The following MDN1 variants were observed in gnomAD, a reference collection of about 807,000 sequenced individuals.
The protein encoded by MDN1 is midasin AAA ATPase 1.
MDN1 carries 266 observed loss-of-function variants against 669.2 expected under a neutral mutation model. The observed-to-expected ratio is 0.40, with a 90% CI of 0.36 to 0.44. The LOEUF (loss-of-function observed/expected upper bound fraction) is 0.44. MDN1 is among the 20% of genes least tolerant of loss of function. MDN1 has a pLI of 1.00. For synonymous variants in MDN1, 2,385 were observed against 2,457.1 expected (o/e 0.97, Z 0.87); for missense variants, 5,940 against 6,754.0 (o/e 0.88, Z 4.22).
chr6:89,747,194 A>T, intron 27 of MDN1, 135 bp downstream of exon 27: 1 of 989,004 alleles, frequency 1.0e-6, no homozygotes, highest in Non-Finnish European at 1.5e-6. Flanking sequence ...AGCTGTTAGA[A>T]CTGGAGGGAA....
intron 92 of MDN1, among the ~76,000 whole-genome samples, chr6:89,654,925 C>T (rs1004472778): frequency 1.7e-4 from 26 of 152,292 alleles, no homozygotes; most frequent in Non-Finnish European, 1.5e-4. Context: ...GAATAGGAAT[C>T]CCAGCATTGT....
At chr6:89,764,614 A>G (rs2128321407) in intron 15 of MDN1, among the ~76,000 whole-genome samples, 1 of 152,304 alleles carries the variant, frequency 6.6e-6, no homozygotes, top group Admixed American at 6.5e-5. Flanking sequence ...TAATTTGAGT[A>G]TCACAGTCAG....
At chr6:89,744,800 T>C (rs112638554) in intron 29 of MDN1, among the ~76,000 whole-genome samples, 85 of 150,242 alleles carry the variant, frequency 5.7e-4, no homozygotes, top group African/African-American at 1.9e-3. Flanking sequence ...GGAGGATCAC[T>C]TGAGTCCAGA....
In MDN1 at chr6:89,661,556, A is replaced by G. The variant is rs752950000; in HGVS notation, c.14588T>C (p.Val4863Ala). 3 of 1,614,166 alleles carry G rather than the reference A, an allele frequency of 1.9e-6. No homozygotes were observed. The highest frequency in any genetic ancestry group is 2.2e-5 in the South Asian group (2 of 91,080). ...IDERDYDENEVDPYHGNQEKV... is the reference protein window; with the variant it reads ...IDERDYDENEADPYHGNQEKV... Reference sequence around the variant, plus strand: ...TTCCTGATTGCCATGGTAAGGGTCCACCTCATTTTCATCATAGTCCCTCTT... The same window carrying G: ...TTCCTGATTGCCATGGTAAGGGTCCGCCTCATTTTCATCATAGTCCCTCTT... Residue 4863 changes from valine to alanine, a missense_variant, in exon 88 of 102, where the codon GTG becomes GCG. Physicochemically the swap from Val to Ala is moderately conservative, Grantham distance 64. Around this residue, in one of 5 missense-constraint regions of MDN1, gnomAD observed 2,280 missense variants for 2,576.3 expected, o/e 0.88. Coordinates refer to ENST00000369393, the MANE Select transcript of MDN1 (RefSeq NM_014611.3).
intron 1 of MDN1, among the ~76,000 whole-genome samples, chr6:89,811,499 C>T (rs564417938): frequency 5.3e-5 from 8 of 151,620 alleles, no homozygotes; most frequent in African/African-American, 1.5e-4. Context: ...TGCAGTGGTA[C>T]GATGTCGGCT....
At chr6:89,731,690 TG>T (rs1239099117) in intron 34 of MDN1, among the ~76,000 whole-genome samples, 2 of 152,034 alleles carry the variant, frequency 1.3e-5, no homozygotes, top group South Asian at 2.1e-4. Context: ...GACGGGTTGA[TG>T]GGTGCGGCAA....
At chr6:89,809,784 T>TAAATAAAATA (rs58439361) in intron 1 of MDN1, among the ~76,000 whole-genome samples, 22,406 of 112,324 alleles carry the variant, frequency 0.2, 2,653 homozygotes, top group South Asian at 0.32. Context: ...TCAAAATAAA[T>TAAATAAAATA]AAATAAAATA....
chr6:89,812,071 C>T (rs1288186062), intron 1 of MDN1, among the ~76,000 whole-genome samples: 4 of 151,768 alleles, frequency 2.6e-5, no homozygotes, highest in South Asian at 2.1e-4. Flanking sequence ...ATGCAACCTC[C>T]GCCTTCCGGG....
intron 67 of MDN1, 56 bp from the exon 68 acceptor site, chr6:89,687,494 C>T: frequency 6.7e-7 from 1 of 1,481,996 alleles, no homozygotes; most frequent in Non-Finnish European, 9.4e-7. Flanking sequence ...ATAATCACCT[C>T]CTTCCTCAAG....
intron 1 of MDN1, among the ~76,000 whole-genome samples, chr6:89,816,018 A>G (rs576189466): frequency 3.3e-4 from 50 of 152,350 alleles, no homozygotes; most frequent in African/African-American, 1.2e-3. Context: ...AAATTATTTA[A>G]GAAAACTGCT....
rs766450069 is a variant in MDN1, at chr6:89,670,170, A to ATTTTTTTTT, written c.13956+740_13956+748dup. 1.5e-3 allele frequency among the ~76,000 whole-genome samples: 35 copies of ATTTTTTTTT among 23,350 alleles called. 2 individuals are homozygous for ATTTTTTTTT. In the East Asian group the frequency reaches 0.027, roughly 18 times the overall value. 15.3% of individuals were successfully genotyped at this position (23,350 alleles called of 152,430 possible). ...TATATATATATATATATATATATATATTTTTTTTTTTTTTTTTTTTGAGAT... is the reference window on the plus strand; with the variant it reads ...TATATATATATATATATATATATATATTTTTTTTTTTTTTTTTTTTTTTTTTTTTGAGAT... On this transcript the variant is annotated intron_variant, in intron 83 of 101. Transcript: ENST00000369393.
intron 15 of MDN1, among the ~76,000 whole-genome samples, chr6:89,769,117 A>G (rs894077823): frequency 1.3e-5 from 2 of 152,190 alleles, no homozygotes; most frequent in African/African-American, 4.8e-5. Context: ...GGACACATGC[A>G]AAATATATTT....
intron 1 of MDN1, chr6:89,815,186 C>T (rs1768735321): frequency 2.6e-6 from 1 of 383,912 alleles, no homozygotes; most frequent in Non-Finnish European, 5.1e-6. Flanking sequence ...CACGTGCCTA[C>T]CCTCTACGGC....
intron 33 of MDN1, among the ~76,000 whole-genome samples, chr6:89,734,691 A>AAACGAGAGAGAGAGAGAGAG (rs1554188774): frequency 8.8e-6 from 1 of 112,996 alleles, no homozygotes; most frequent in Admixed American, 1.2e-4. Flanking sequence ...AAAAAAAAAC[A>AAACGAGAGAGAGAGAGAGAG]AGAGAGAGAG....
At position 89,747,381 on chromosome 6, in the gene MDN1, C is replaced by T. The variant is rs758221256; in HGVS notation, c.3852G>A (p.Leu1284=). 1.9e-6 allele frequency: 3 copies of T among 1,614,098 alleles called. No individual in the cohort carries two copies. Among genetic ancestry groups the T allele is most frequent in the South Asian group, 1.1e-5 (1 of 91,070 alleles). The change falls in exon 27 of 102, where the codon TTG becomes TTA. Residue 1284 remains leucine (L), a synonymous_variant. Coordinates refer to ENST00000369393, the MANE Select transcript of MDN1 (RefSeq NM_014611.3). ...CATACTCCTTCTCGGTCGGCTCAGC[C>T]AATCTGTATCTTTCAGCCCATCGGA... ...DLFRWAERYR[L]AEPTEKEYDW...
At chr6:89,707,884 A>G (rs548565817) in intron 51 of MDN1, among the ~76,000 whole-genome samples, 6 of 152,338 alleles carry the variant, frequency 3.9e-5, no homozygotes, top group East Asian at 3.9e-4. Flanking sequence ...GAGTGTGTAC[A>G]TAAGTATGGA....
At chr6:89,730,276 C>A (rs1815505884) in intron 35 of MDN1, among the ~76,000 whole-genome samples, 1 of 152,154 alleles carries the variant, frequency 6.6e-6, no homozygotes, top group Non-Finnish European at 1.5e-5. Flanking sequence ...GCCTAAATGT[C>A]AGATGCCAGG....
At chr6:89,757,381 G>A (rs1318761022) in intron 19 of MDN1, among the ~76,000 whole-genome samples, 4 of 152,070 alleles carry the variant, frequency 2.6e-5, no homozygotes, top group South Asian at 2.1e-4. Flanking sequence ...CTGTTATATC[G>A]TGTTATGAAA....
chr6:89,695,814 C>T lies in MDN1; in HGVS notation c.9562G>A (p.Val3188Met), dbSNP rs1812699700. ...TGGCAGAGCAGTTCCTTGGGCAGCA[C>T]CTCCTGACCAGCCATGTCCCCAAGT... is the stretch of plus-strand genomic sequence containing the variant. The part of the protein sequence containing the change: ...QTLGDMAGQE[V>M]LPKELLCQLL... Residue 3188 changes from valine to methionine, a missense_variant, in exon 61 of 102, where the codon GTG becomes ATG. Physicochemically the swap from Val to Met is conservative, Grantham distance 21 (BLOSUM62 1). This residue lies in a region of MDN1 where 2,292 missense variants were observed against 2,638.3 expected (regional missense o/e 0.87). Coordinates refer to ENST00000369393, the MANE Select transcript of MDN1 (RefSeq NM_014611.3). The surrounding 1 kb of genome is among the most constrained non-coding windows in gnomAD (Gnocchi z 4.1). 1.2e-6 allele frequency: 2 copies of T among 1,613,602 alleles called. No individual in the cohort carries two copies. Among genetic ancestry groups the T allele is most frequent in the African/African-American group, 2.7e-5 (2 of 74,918 alleles).
Sources: allele counts gnomAD v4.1 joint callset (sites outside exome capture counted in the v4.1 genomes callset), GRCh38; gene constraint gnomAD v4.1.1; regional missense constraint gnomAD v4.1.1; non-coding constraint Gnocchi (gnomAD v3.1); transcripts MANE v1.5; gene names NCBI Gene and HGNC (gene_info 2026-07-23, HGNC 2026-07-21).